DNAH7: variants seen among roughly 807,000 people sequenced by gnomAD.
DNAH7 encodes dynein axonemal heavy chain 7.
A neutral mutation model predicts 444.6 loss-of-function variants in DNAH7; 397 were observed. The observed-to-expected ratio is 0.89, with a 90% CI of 0.82 to 0.97. The LOEUF (loss-of-function observed/expected upper bound fraction) is 0.97. DNAH7 is among the 50% of genes least tolerant of loss of function. The pLI, the probability that DNAH7 is intolerant of heterozygous loss-of-function variation, is 0.00. For missense variants in DNAH7, 4,902 were observed against 4,800.8 expected, an observed-to-expected ratio of 1.02 and a Z score of -0.62; for synonymous variants, 1,636 against 1,624.4, an observed-to-expected ratio of 1.01 and a Z score of -0.17.
chr2:195,996,748 T>C (rs994176408), intron 12 of DNAH7, among the ~76,000 whole-genome samples: 2 of 152,100 alleles, frequency 1.3e-5, no homozygotes, highest in African/African-American at 4.8e-5. Flanking sequence ...TAAATATACA[T>C]ATGCTCTACC....
intron 61 of DNAH7, among the ~76,000 whole-genome samples, chr2:195,763,596 ATTTAT>A (rs990934286): frequency 6.6e-6 from 1 of 152,054 alleles, no homozygotes; most frequent in African/African-American, 2.4e-5. Flanking sequence ...ACTATTAGCA[ATTTAT>A]TATACCAATA....
chr2:195,913,622 C>T (rs547058871), intron 24 of DNAH7, among the ~76,000 whole-genome samples: 2 of 152,044 alleles, frequency 1.3e-5, no homozygotes, highest in African/African-American at 4.8e-5. Context: ...CAGAGCCAGC[C>T]CCTCTTCATT....
chr2:196,068,830 A>G lies in DNAH7; in HGVS notation c.-119T>C. 1 of 1,314,992 alleles carries G rather than the reference A, an allele frequency of 7.6e-7. No individual in the cohort carries two copies. Among genetic ancestry groups the G allele is most frequent in the Non-Finnish European group, 1.0e-6 (1 of 961,968 alleles). 81.5% of individuals were successfully genotyped at this position (1,314,992 alleles called of 1,614,324 possible). A position where few individuals can be genotyped will look rare whatever the true frequency, so the allele number is the denominator to read the frequency against. Reference sequence around the variant, plus strand: ...GCGGTCTCAGCTCCCTCCGCACCAGAGCCGTCTAGCGTCCGGGCAGCGTTT... The same window carrying G: ...GCGGTCTCAGCTCCCTCCGCACCAGGGCCGTCTAGCGTCCGGGCAGCGTTT... On this transcript the variant is annotated 5_prime_UTR_variant, in exon 1 of 65. Transcript: ENST00000312428.
chr2:196,044,174 T>C (rs562232213), intron 5 of DNAH7, among the ~76,000 whole-genome samples: 2 of 148,830 alleles, frequency 1.3e-5, no homozygotes, highest in African/African-American at 5.0e-5. Flanking sequence ...AATCAATGAG[T>C]GGATAAAAAA....
At chr2:195,747,895 A>C (rs575301091) in intron 63 of DNAH7, among the ~76,000 whole-genome samples, 95 of 152,312 alleles carry the variant, frequency 6.2e-4, no homozygotes, top group African/African-American at 2.2e-3. Context: ...AATGGGCAAA[A>C]ACTGGAAGAT....
intron 15 of DNAH7, among the ~76,000 whole-genome samples, chr2:195,984,071 CAG>C (rs1692745910): frequency 6.6e-6 from 1 of 152,156 alleles, no homozygotes. Flanking sequence ...GTGACACAAG[CAG>C]AGTCTTGAAA....
intron 37 of DNAH7, 145 bp downstream of exon 37, chr2:195,876,399 A>G: frequency 1.3e-6 from 1 of 751,262 alleles, no homozygotes; most frequent in South Asian, 2.1e-5. Context: ...AAATGTAACT[A>G]CATTTTTAGG....
At chr2:195,869,616 G>A (rs78951890) in intron 40 of DNAH7, among the ~76,000 whole-genome samples, 2 of 152,130 alleles carry the variant, frequency 1.3e-5, no homozygotes, top group Non-Finnish European at 2.9e-5. Flanking sequence ...AGAAGAATTT[G>A]ATCAAAGGCA....
intron 47 of DNAH7, among the ~76,000 whole-genome samples, chr2:195,840,979 T>G (rs954431294): frequency 6.6e-6 from 1 of 151,740 alleles, no homozygotes; most frequent in Non-Finnish European, 1.5e-5. Flanking sequence ...ACAAAACAAT[T>G]TTGAAAAAGA....
chr2:195,970,946 A>C lies in DNAH7; in HGVS notation c.2059-852T>G, dbSNP rs540537916. Among the ~76,000 whole-genome samples, 10 of 152,330 alleles carry C rather than the reference A, an allele frequency of 6.6e-5. No individual in the cohort carries two copies. In the South Asian group the frequency reaches 2.1e-3, roughly 32 times the overall value. On this transcript the variant is annotated intron_variant, in intron 16 of 64. Coordinates refer to ENST00000312428, the MANE Select transcript of DNAH7 (RefSeq NM_018897.3). ...TGTAGTTTGTGGAATAGTATACTTT[A>C]AAACATAGCATAAATAATTCTGGGC...
chr2:195,934,840 T>C (rs1688943359), intron 20 of DNAH7, 51 bp from the exon 21 acceptor site: 1 of 1,587,506 alleles, frequency 6.3e-7, no homozygotes, highest in Non-Finnish European at 8.6e-7. Context: ...AACAATTCTT[T>C]ACACTCCAGA....
chr2:196,047,569 A>T, intron 4 of DNAH7, 70 bp from the exon 5 acceptor site: 2 of 1,241,240 alleles, frequency 1.6e-6, no homozygotes, highest in Non-Finnish European at 2.2e-6. Context: ...TCACATGCTT[A>T]AAATAAGATG....
intron 24 of DNAH7, among the ~76,000 whole-genome samples, chr2:195,915,874 C>T (rs1191930469): frequency 6.6e-6 from 1 of 152,214 alleles, no homozygotes; most frequent in East Asian, 1.9e-4. Flanking sequence ...CCAGATTATA[C>T]ATGAGAGCTC....
intron 5 of DNAH7, among the ~76,000 whole-genome samples, chr2:196,039,640 A>T (rs1434604775): frequency 1.3e-5 from 2 of 152,040 alleles, no homozygotes; most frequent in Non-Finnish European, 2.9e-5. Context: ...TCTGCTAAAA[A>T]TAGAAAAAAT....
chr2:195,821,709 G>A (rs576983699), intron 49 of DNAH7, among the ~76,000 whole-genome samples: 37 of 152,246 alleles, frequency 2.4e-4, no homozygotes, highest in East Asian at 9.7e-4. Context: ...GACCTTTCCC[G>A]GAACAGAGGT....
intron 43 of DNAH7, among the ~76,000 whole-genome samples, chr2:195,858,054 T>A (rs904639429): frequency 2.6e-5 from 4 of 151,750 alleles, no homozygotes; most frequent in African/African-American, 7.3e-5. Context: ...ATTTTATGTA[T>A]CCCCCCAAAA....
At chr2:195,768,646 C>A (rs1694698979) in intron 61 of DNAH7, among the ~76,000 whole-genome samples, 1 of 152,082 alleles carries the variant, frequency 6.6e-6, no homozygotes, top group African/African-American at 2.4e-5. Flanking sequence ...TCCAATAACA[C>A]ATATGAGAAT....
chr2:195,958,230 C>T (rs1690830470), intron 18 of DNAH7, among the ~76,000 whole-genome samples: 1 of 152,054 alleles, frequency 6.6e-6, no homozygotes, highest in Admixed American at 6.6e-5. Flanking sequence ...TCCTCTTCCT[C>T]CTCCTCCTCA....
At chr2:195,982,904 A>T (rs899882687) in intron 15 of DNAH7, among the ~76,000 whole-genome samples, 11 of 152,186 alleles carry the variant, frequency 7.2e-5, no homozygotes, top group African/African-American at 2.7e-4. Flanking sequence ...AATGAAAAAG[A>T]TCTAGTATTT....
Sources: gnomAD v4.1 joint callset for allele counts (sites outside exome capture counted in the v4.1 genomes callset) on GRCh38, gnomAD v4.1.1 for gene constraint, MANE v1.5 for transcripts, NCBI Gene and HGNC (gene_info 2026-07-23, HGNC 2026-07-21) for gene names.